Variants in SLC20A2 observed in about 807,000 individuals in gnomAD.
SLC20A2 encodes the protein sodium-dependent phosphate transporter 2.
A neutral mutation model predicts 61.0 loss-of-function variants in SLC20A2; 30 were observed. The ratio of observed to expected loss-of-function variants is 0.49; its 90% CI spans 0.37 to 0.67. SLC20A2 has a LOEUF of 0.67. SLC20A2 is among the 30% of genes least tolerant of loss of function. The probability of loss-of-function intolerance (pLI) is 0.00; values close to 1 mark genes in which losing one functional copy is unlikely to be tolerated. For missense variants in SLC20A2, 626 were observed against 866.4 expected, an observed-to-expected ratio of 0.72 and a Z score of 3.48; for synonymous variants, 351 against 353.3, an observed-to-expected ratio of 0.99 and a Z score of 0.07.
intron 8 of SLC20A2, among the ~76,000 whole-genome samples, chr8:42,432,561 G>A (rs1442434057): frequency 6.6e-6 from 1 of 152,194 alleles, no homozygotes; most frequent in Non-Finnish European, 1.5e-5. Flanking sequence ...AAATTCTACG[G>A]TGGGTAAAAT....
chr8:42,435,251 G>A (rs1804161491), intron 8 of SLC20A2, among the ~76,000 whole-genome samples: 1 of 152,148 alleles, frequency 6.6e-6, no homozygotes, highest in Non-Finnish European at 1.5e-5. Context: ...CTTCTTTTAC[G>A]AACAGCAGAG....
chr8:42,528,523 A>T (rs560924959), intron 1 of SLC20A2, among the ~76,000 whole-genome samples: 1 of 152,282 alleles, frequency 6.6e-6, no homozygotes, highest in East Asian at 1.9e-4. Context: ...TTACTTTTTC[A>T]AGGGGAAATA....
intron 1 of SLC20A2, among the ~76,000 whole-genome samples, chr8:42,483,085 C>T (rs1808676678): frequency 6.6e-6 from 1 of 151,518 alleles, no homozygotes; most frequent in Non-Finnish European, 1.5e-5. Flanking sequence ...GTGGCTCACG[C>T]CTGTAATCCC....
intron 1 of SLC20A2, among the ~76,000 whole-genome samples, chr8:42,487,172 CTTTCTTT>C (rs1246714983): frequency 9.5e-6 from 1 of 105,398 alleles, no homozygotes; most frequent in Admixed American, 1.1e-4. Context: ...GCCATGGTTT[CTTTCTTT>C]TTTTTTTTTT....
intron 2 of SLC20A2, among the ~76,000 whole-genome samples, chr8:42,467,382 T>C (rs908775176): frequency 1.3e-5 from 2 of 152,218 alleles, no homozygotes; most frequent in African/African-American, 4.8e-5. Context: ...GTAGTGAGTA[T>C]TAAAAGCATC....
At chr8:42,485,477 A>G (rs1808906421) in intron 1 of SLC20A2, among the ~76,000 whole-genome samples, 1 of 151,580 alleles carries the variant, frequency 6.6e-6, no homozygotes, top group Non-Finnish European at 1.5e-5. Context: ...CCTCATCTCT[A>G]CTAAAAATAC....
chr8:42,459,946 G>C lies in SLC20A2; in HGVS notation c.563C>G (p.Ala188Gly). 6.2e-7 allele frequency: 1 copy of C among 1,613,470 alleles called. No individual in the cohort carries two copies. Among genetic ancestry groups the C allele is most frequent in the East Asian group, 2.2e-5 (1 of 44,884 alleles). ...AAAGACATTGATTGCTATGGTAGCA[G>C]CATAGAATACTGGGAGTGCCCGGAG... ...NGLRALPVFY[A>G]ATIAINVFSI... The change falls in exon 5 of 11, where the codon GCT becomes GGT. Residue 188 changes from alanine to glycine, a missense_variant. Physicochemically the swap from Ala to Gly is moderately conservative, Grantham distance 60. Transcript: ENST00000520262.
intron 6 of SLC20A2, 139 bp downstream of exon 6, chr8:42,444,507 G>A (rs1053625623): frequency 1.6e-5 from 11 of 675,030 alleles, no homozygotes; most frequent in African/African-American, 1.3e-4. Context: ...ACTCAGGAAC[G>A]GAGAGACAGA....
intron 1 of SLC20A2, among the ~76,000 whole-genome samples, chr8:42,496,906 C>G (rs1225467178): frequency 6.6e-6 from 1 of 152,188 alleles, no homozygotes; most frequent in Admixed American, 6.5e-5. Context: ...AGCTCCCCAC[C>G]CCCCATATGG....
intron 1 of SLC20A2, among the ~76,000 whole-genome samples, chr8:42,495,453 G>A (rs35523364): frequency 0.064 from 9,672 of 152,204 alleles, 394 homozygotes; most frequent in Middle Eastern, 0.16. Context: ...GGGGAGACAC[G>A]TCGATCTTAT....
At chr8:42,492,362 AAG>A (rs1809583669) in intron 1 of SLC20A2, among the ~76,000 whole-genome samples, 1 of 152,228 alleles carries the variant, frequency 6.6e-6, no homozygotes, top group Non-Finnish European at 1.5e-5. Context: ...TCTCAAAAAA[AAG>A]AAAGAAAACG....
intron 1 of SLC20A2, among the ~76,000 whole-genome samples, chr8:42,508,352 T>TTTGTTTG (rs1554573018): frequency 6.6e-6 from 1 of 151,878 alleles, no homozygotes; most frequent in Non-Finnish European, 1.5e-5. Flanking sequence ...TGGTATTTGT[T>TTTGTTTG]TTTGTTTGTT....
chr8:42,468,106 G>A (rs533899645), intron 2 of SLC20A2, among the ~76,000 whole-genome samples: 9 of 152,036 alleles, frequency 5.9e-5, no homozygotes, highest in African/African-American at 9.6e-5. Context: ...GTTTCACCGC[G>A]TCAGCCAAGA....
chr8:42,429,112 C>T (rs1803648267), intron 9 of SLC20A2, among the ~76,000 whole-genome samples: 1 of 152,210 alleles, frequency 6.6e-6, no homozygotes, highest in African/African-American at 2.4e-5. Context: ...GACATTCCTG[C>T]TGTGCAATAA....
chr8:42,475,432 C>T lies in SLC20A2; in HGVS notation c.-264-2778G>A, dbSNP rs74557451. 4.1e-3 allele frequency among the ~76,000 whole-genome samples: 616 copies of T among 151,674 alleles called. 30 individuals carry two copies. The East Asian group carries it at 0.11, about 26-fold the overall frequency. ...AGGAATTTTTCTGTTGTCTTTGAGA[C>T]AAAGTCTCACTCTGTCACCCAGGCT... is the stretch of plus-strand genomic sequence containing the variant. On this transcript the variant is annotated intron_variant, in intron 1 of 10. Transcript: ENST00000520262.
At chr8:42,455,263 G>T (rs1176936316) in intron 5 of SLC20A2, among the ~76,000 whole-genome samples, 4,028 of 68,856 alleles carry the variant, frequency 0.058, 166 homozygotes, top group African/African-American at 0.11. Flanking sequence ...TATATAGAGA[G>T]AGAGAGAGAG....
intron 8 of SLC20A2, 117 bp from the exon 9 acceptor site, chr8:42,430,366 T>G (rs980155633): frequency 7.6e-6 from 7 of 920,738 alleles, no homozygotes; most frequent in African/African-American, 1.7e-5. Flanking sequence ...ATGATGTTTT[T>G]CTTTCTTTTT....
At position 42,444,690 on chromosome 8, in the gene SLC20A2, A is replaced by G. The variant is rs1267101659; in HGVS notation, c.686T>C (p.Phe229Ser). 4 of 1,613,912 alleles carry G rather than the reference A, an allele frequency of 2.5e-6. No individual in the cohort carries two copies. Among genetic ancestry groups the G allele is most frequent in the Admixed American group, 1.7e-5 (1 of 59,996 alleles). Reference sequence around the variant, plus strand: ...CCACGGACACACGAAGAGCCACACAAAAAAAGCGAACAGGAGGGCGACACC... The same window carrying G: ...CCACGGACACACGAAGAGCCACACAGAAAAAGCGAACAGGAGGGCGACACC... Reference protein sequence around the residue: ...SFGVALLFAFFVWLFVCPWMR... With the variant: ...SFGVALLFAFSVWLFVCPWMR... Residue 229 changes from phenylalanine (F) to serine (S), a missense_variant, in exon 6 of 11, where the codon TTT (phenylalanine) becomes TCT (serine). By Grantham distance (155) the Phe-to-Ser change is radical (BLOSUM62 -2). This residue lies in a region of SLC20A2 where 361 missense variants were observed against 422.3 expected (regional missense o/e 0.85). Coordinates refer to ENST00000520262, the MANE Select transcript of SLC20A2 (RefSeq NM_001257180.2).
In SLC20A2 at chr8:42,529,020, G is replaced by A. The variant is rs1016817662; in HGVS notation, c.-265+12801C>T. ...GACAGGGTCTTACCCTGTCACACAG[G>A]CTGGAGTGCAGTGGCGTGATCGTAC... is the stretch of plus-strand genomic sequence containing the variant. On this transcript the variant is annotated intron_variant, in intron 1 of 10. Transcript: ENST00000342228. Among the ~76,000 whole-genome samples the A allele has an allele frequency of 1.3e-4, 20 of 151,606 alleles. 1 individual carries two copies. Among genetic ancestry groups the A allele is most frequent in the Non-Finnish European group, 1.5e-5 (1 of 67,956 alleles).
Sources: gnomAD v4.1 joint callset for allele counts (sites outside exome capture counted in the v4.1 genomes callset) on GRCh38, gnomAD v4.1.1 for gene constraint, gnomAD v4.1.1 regional missense constraint, MANE v1.5 for transcripts, NCBI Gene and HGNC (gene_info 2026-07-23, HGNC 2026-07-21) for gene names.